PARN: variants seen among roughly 807,000 people sequenced by gnomAD.
The protein encoded by PARN is poly(A)-specific ribonuclease, also known as poly(A)-specific ribonuclease PARN.
A neutral mutation model predicts 102.8 loss-of-function variants in PARN; 71 were observed. That is an observed-to-expected ratio of 0.69 (90% CI 0.57 to 0.84). The LOEUF (loss-of-function observed/expected upper bound fraction) is 0.84. PARN is among the 40% of genes least tolerant of loss of function. The pLI is 0.00. For missense variants in PARN, 782 were observed against 760.9 expected, an observed-to-expected ratio of 1.03 and a Z score of -0.33; for synonymous variants, 261 against 252.9, an observed-to-expected ratio of 1.03 and a Z score of -0.30.
chr16:14,479,920 CAAAA>C (rs58833234), intron 22 of PARN, among the ~76,000 whole-genome samples: 6 of 102,868 alleles, frequency 5.8e-5, no homozygotes, highest in Non-Finnish European at 4.3e-5. Flanking sequence ...AACCTTCTAC[CAAAA>C]AAAAAAAAAA....
Position 14,630,227 on chromosome 16 carries a change from C to G in PARN, c.-102G>C. On this transcript the variant is annotated 5_prime_UTR_variant, in exon 1 of 24. Coordinates refer to ENST00000437198, the MANE Select transcript of PARN (RefSeq NM_002582.4). ...CGACTGCGGCAGTAGCTGAGGCAGC[C>G]GCAGCGGTGACGCCGGCCGCGACTT... 1 of 1,058,722 alleles carries G rather than the reference C, an allele frequency of 9.4e-7. No individual in the cohort carries two copies. The highest frequency in any genetic ancestry group is 2.4e-5 in the Admixed American group (1 of 41,728). The allele number at this position is 1,058,722 out of a possible 1,614,324, so 65.6% of individuals were successfully genotyped here.
intron 21 of PARN, among the ~76,000 whole-genome samples, chr16:14,520,416 T>C (rs565789305): frequency 2.6e-5 from 4 of 152,272 alleles, no homozygotes; most frequent in African/African-American, 7.2e-5. Context: ...AATACTAATA[T>C]TGTACCTATG....
chr16:14,439,661 A>G (rs1960863631), intron 23 of PARN, among the ~76,000 whole-genome samples: 1 of 152,204 alleles, frequency 6.6e-6, no homozygotes, highest in Non-Finnish European at 1.5e-5. Flanking sequence ...AAGGGGAAAA[A>G]TCTGATAAAC....
chr16:14,569,759 G>A (rs185245728), intron 18 of PARN, among the ~76,000 whole-genome samples: 2 of 152,290 alleles, frequency 1.3e-5, no homozygotes, highest in African/African-American at 4.8e-5. Flanking sequence ...GAGGTAACCA[G>A]GAGCTGAGGG....
At chr16:14,484,758 C>T (rs138112154) in intron 21 of PARN, among the ~76,000 whole-genome samples, 1 of 152,132 alleles carries the variant, frequency 6.6e-6, no homozygotes, top group Non-Finnish European at 1.5e-5. Flanking sequence ...CTTAGTGCAA[C>T]AAAGGTTTCC....
chr16:14,569,369 C>CCTTATCAG (rs1289884637), intron 18 of PARN, among the ~76,000 whole-genome samples: 4 of 152,168 alleles, frequency 2.6e-5, no homozygotes, highest in African/African-American at 9.7e-5. Flanking sequence ...CACCAAACAG[C>CCTTATCAG]CTTATCAGCG....
intron 22 of PARN, among the ~76,000 whole-genome samples, chr16:14,453,205 C>G (rs1398959511): frequency 1.3e-5 from 2 of 152,190 alleles, no homozygotes; most frequent in African/African-American, 4.8e-5. Flanking sequence ...TAAAATGTCA[C>G]AGACACAACT....
chr16:14,457,868 A>G (rs1240296585), intron 22 of PARN, among the ~76,000 whole-genome samples: 3 of 148,298 alleles, frequency 2.0e-5, no homozygotes, highest in Non-Finnish European at 4.5e-5. Context: ...TCTGAATGGT[A>G]GCTGTCTGGT....
intron 11 of PARN, among the ~76,000 whole-genome samples, chr16:14,602,398 T>C (rs1970927717): frequency 1.3e-5 from 2 of 152,154 alleles, no homozygotes; most frequent in Non-Finnish European, 1.5e-5. Context: ...TCTCTGCCAA[T>C]GACAATCATG....
chr16:14,620,680 G>A (rs1447684220), intron 5 of PARN, among the ~76,000 whole-genome samples: 2 of 152,102 alleles, frequency 1.3e-5, no homozygotes, highest in East Asian at 3.9e-4. Context: ...TGAAGATCAG[G>A]TTTTCTACAG....
chr16:14,480,356 T>A (rs1344956800), intron 22 of PARN, among the ~76,000 whole-genome samples: 1 of 152,012 alleles, frequency 6.6e-6, no homozygotes, highest in Non-Finnish European at 1.5e-5. Context: ...ATCAAAAATA[T>A]ATGCTCATTT....
intron 5 of PARN, among the ~76,000 whole-genome samples, chr16:14,620,069 C>CAAAA (rs1167781322): frequency 1.5e-4 from 7 of 47,534 alleles, no homozygotes; most frequent in Non-Finnish European, 1.2e-4. Flanking sequence ...GACTCTGTCT[C>CAAAA]AAAAAAAAAA....
intron 11 of PARN, among the ~76,000 whole-genome samples, chr16:14,602,505 T>A (rs2151784571): frequency 6.6e-6 from 1 of 152,128 alleles, no homozygotes; most frequent in Middle Eastern, 3.4e-3. Context: ...CCTCATCAGG[T>A]CAAAACCAGA....
intron 5 of PARN, among the ~76,000 whole-genome samples, chr16:14,621,060 G>A (rs1395458184): frequency 6.6e-6 from 1 of 152,144 alleles, no homozygotes; most frequent in African/African-American, 2.4e-5. Flanking sequence ...ACAAATAGAA[G>A]CACATGCAAA....
chr16:14,564,657 T>G (rs1968319073), intron 18 of PARN, among the ~76,000 whole-genome samples: 1 of 152,126 alleles, frequency 6.6e-6, no homozygotes, highest in African/African-American at 2.4e-5. Flanking sequence ...CTAGACAGAC[T>G]TCTAATGTCA....
intron 21 of PARN, among the ~76,000 whole-genome samples, chr16:14,493,821 A>G (rs1193434740): frequency 6.6e-6 from 1 of 152,218 alleles, no homozygotes; most frequent in Non-Finnish European, 1.5e-5. Flanking sequence ...TGATGTCACT[A>G]AGGAACCCTG....
chr16:14,612,282 C>A (rs1227674425), intron 6 of PARN, among the ~76,000 whole-genome samples: 1 of 151,802 alleles, frequency 6.6e-6, no homozygotes, highest in South Asian at 2.1e-4. Flanking sequence ...ACTAAAAATA[C>A]AAAAATTAGC....
At chr16:14,517,804 G>C (rs1210492177) in intron 21 of PARN, among the ~76,000 whole-genome samples, 14 of 152,040 alleles carry the variant, frequency 9.2e-5, no homozygotes, top group Non-Finnish European at 1.6e-4. Context: ...TTGGCTTCCT[G>C]AGTAGCTGGG....
At chr16:14,562,119 G>C (rs948296930) in intron 18 of PARN, among the ~76,000 whole-genome samples, 9 of 152,142 alleles carry the variant, frequency 5.9e-5, no homozygotes, top group Non-Finnish European at 1.2e-4. Flanking sequence ...CTGGGGAACA[G>C]AGTGAGACTC....
Sources: gnomAD v4.1 joint callset for allele counts (sites outside exome capture counted in the v4.1 genomes callset) on GRCh38, gnomAD v4.1.1 for gene constraint, MANE v1.5 for transcripts, NCBI Gene and HGNC (gene_info 2026-07-23, HGNC 2026-07-21) for gene names.